The following MICAL3 variants were observed in gnomAD, a reference collection of about 807,000 sequenced individuals.
MICAL3 encodes the protein microtubule associated monooxygenase, calponin and LIM domain containing 3.
MICAL3 carries 62 observed loss-of-function variants against 207.4 expected under a neutral mutation model. That is an observed-to-expected ratio of 0.30 (90% CI 0.24 to 0.37). MICAL3 has a LOEUF of 0.37. Among genes scored for constraint, MICAL3 ranks in the 10% least tolerant of loss-of-function variants. The probability of loss-of-function intolerance (pLI) is 1.00; values close to 1 mark genes in which losing one functional copy is unlikely to be tolerated. For synonymous variants in MICAL3, 1,077 were observed against 1,069.3 expected, an observed-to-expected ratio of 1.01 and a Z score of -0.14; for missense variants, 2,368 against 2,635.6, an observed-to-expected ratio of 0.90 and a Z score of 2.22.
chr22:17,993,616 C>T (rs1921940528), intron 1 of MICAL3, among the ~76,000 whole-genome samples: 1 of 152,124 alleles, frequency 6.6e-6, no homozygotes, highest in African/African-American at 2.4e-5. Context: ...GGTTCCTGAA[C>T]ACACAGTGTC....
intron 19 of MICAL3, among the ~76,000 whole-genome samples, chr22:17,852,892 T>C (rs1925486986): frequency 6.6e-6 from 1 of 152,104 alleles, no homozygotes; most frequent in Admixed American, 6.5e-5. Flanking sequence ...CTAGCTGACA[T>C]GGTGAAACCC....
At chr22:17,885,478 A>G (rs560072823) in intron 16 of MICAL3, among the ~76,000 whole-genome samples, 2 of 152,352 alleles carry the variant, frequency 1.3e-5, no homozygotes, top group South Asian at 4.1e-4. Flanking sequence ...CACCAGAAAG[A>G]AGGGCAGGAA....
intron 1 of MICAL3, among the ~76,000 whole-genome samples, chr22:17,970,439 T>TCCTTGAG (rs1935357175): frequency 6.6e-6 from 1 of 152,122 alleles, no homozygotes; most frequent in Non-Finnish European, 1.5e-5. Flanking sequence ...GGCCCACTGG[T>TCCTTGAG]TGGAGGCCCC....
At chr22:17,858,752 TG>T (rs1286329492) in intron 19 of MICAL3, among the ~76,000 whole-genome samples, 1 of 152,230 alleles carries the variant, frequency 6.6e-6, no homozygotes, top group Non-Finnish European at 1.5e-5. Flanking sequence ...AGGGATTTTC[TG>T]GGGTGTTCCC....
chr22:17,907,845 T>C (rs1203702007), intron 1 of MICAL3, among the ~76,000 whole-genome samples: 1 of 152,224 alleles, frequency 6.6e-6, no homozygotes, highest in African/African-American at 2.4e-5. Context: ...GTCCTGCTAT[T>C]GCGTAAGGTA....
chr22:17,832,129 G>C (rs1458633264), intron 20 of MICAL3, 22 bp from the exon 21 acceptor site: 2 of 1,555,208 alleles, frequency 1.3e-6, no homozygotes, highest in African/African-American at 2.7e-5. Context: ...TAACCACATA[G>C]CCAGAGTGAG....
intron 1 of MICAL3, among the ~76,000 whole-genome samples, chr22:17,937,489 C>T (rs1033334370): frequency 3.9e-5 from 6 of 152,022 alleles, no homozygotes; most frequent in South Asian, 4.1e-4. Context: ...CATGGAGAAA[C>T]GCCGTCTCTA....
intron 27 of MICAL3, 38 bp from the exon 28 acceptor site, chr22:17,810,851 C>T (rs1205514726): frequency 1.4e-5 from 22 of 1,566,552 alleles, no homozygotes; most frequent in East Asian, 1.1e-4. Flanking sequence ...GTCAGGTGCA[C>T]GGAGGCCTGG....
chr22:17,925,532 C>T (rs1254092139), intron 1 of MICAL3, among the ~76,000 whole-genome samples: 1 of 152,170 alleles, frequency 6.6e-6, no homozygotes, highest in African/African-American at 2.4e-5. Flanking sequence ...TTGATATCTA[C>T]TTGTTGCTGC....
intron 18 of MICAL3, among the ~76,000 whole-genome samples, chr22:17,865,334 G>A (rs1192958581): frequency 1.3e-5 from 2 of 152,166 alleles, no homozygotes; most frequent in African/African-American, 4.8e-5. Context: ...TGACAGGCAG[G>A]CGTGCTGACA....
intron 20 of MICAL3, among the ~76,000 whole-genome samples, chr22:17,833,325 C>T (rs450796): frequency 0.32 from 49,371 of 152,118 alleles, 8,408 homozygotes; most frequent in African/African-American, 0.44. Context: ...AGTGAGAGGC[C>T]GGGGGAAATC....
intron 1 of MICAL3, among the ~76,000 whole-genome samples, chr22:17,951,798 G>A (rs1371655110): frequency 1.3e-5 from 2 of 151,850 alleles, no homozygotes; most frequent in Non-Finnish European, 2.9e-5. Context: ...CCAGGCTCAA[G>A]GGATTCTCCT....
At chr22:17,866,782 G>C (rs1416767579) in intron 17 of MICAL3, among the ~76,000 whole-genome samples, 1 of 152,210 alleles carries the variant, frequency 6.6e-6, no homozygotes, top group Admixed American at 6.5e-5. Context: ...ATCCCCGTGG[G>C]GGGTGTCGTC....
intron 7 of MICAL3, among the ~76,000 whole-genome samples, chr22:17,897,275 C>A (rs1930925531): frequency 6.6e-6 from 1 of 151,722 alleles, no homozygotes; most frequent in Non-Finnish European, 1.5e-5. Flanking sequence ...ATACAAAAAT[C>A]AGCCAGGCAT....
rs572038593 is a variant in MICAL3 at position 17,790,924 on chromosome 22, G to C, written c.5825-8C>G. On this transcript the variant is annotated splice_region_variant and splice_polypyrimidine_tract_variant and intron_variant, in intron 31 of 31. Coordinates refer to ENST00000441493, the MANE Select transcript of MICAL3 (RefSeq NM_015241.3). ...CCTCAGTCTTAAGGTGATCTTGAAG[G>C]AGAAGAAGGCATGAGGTGAGGGGCC... The C allele has an allele frequency of 6.2e-7, 1 of 1,613,486 alleles. No homozygotes were observed. Among genetic ancestry groups the C allele is most frequent in the African/African-American group, 1.3e-5 (1 of 74,942 alleles).
chr22:17,877,171 GGGAGGTT>G (rs1928695975), intron 16 of MICAL3, among the ~76,000 whole-genome samples: 1 of 30,004 alleles, frequency 3.3e-5, no homozygotes, highest in Non-Finnish European at 6.1e-5. Context: ...ATGGAGGTTA[GGGAGGTT>G]AGGGAAGTTA....
At chr22:17,829,636 G>C (rs1922577846) in intron 21 of MICAL3, among the ~76,000 whole-genome samples, 1 of 152,196 alleles carries the variant, frequency 6.6e-6, no homozygotes, top group Non-Finnish European at 1.5e-5. Flanking sequence ...GTCCTGCTGT[G>C]CTTCCTGCTA....
intron 1 of MICAL3, among the ~76,000 whole-genome samples, chr22:17,976,587 A>ATTTT (rs1204825142): frequency 4.1e-4 from 33 of 80,290 alleles, no homozygotes; most frequent in East Asian, 1.8e-3. Context: ...ATATATATAT[A>ATTTT]TATTTTTTTT....
rs111213217 is a variant in MICAL3 at position 17,877,041 on chromosome 22, G to A, written c.2242-5018C>T. 4.3e-3 allele frequency among the ~76,000 whole-genome samples: 129 copies of A among 30,306 alleles called. 1 individual carries two copies. Among genetic ancestry groups the A allele is most frequent in the African/African-American group, 5.9e-3 (47 of 7,968 alleles). The allele number at this position is 30,306 out of a possible 152,430, so 19.9% of individuals were successfully genotyped here. On this transcript the variant is annotated intron_variant, in intron 16 of 31. Transcript: ENST00000441493. ...TATGGAGGTTATGGAGGTTAGGGAG[G>A]TTATGGAGGTTAGGGAGGTTATGGA...
Sources: allele counts gnomAD v4.1 joint callset (sites outside exome capture counted in the v4.1 genomes callset), GRCh38; gene constraint gnomAD v4.1.1; transcripts MANE v1.5; gene names NCBI Gene and HGNC (gene_info 2026-07-23, HGNC 2026-07-21).